Variants in UBE2O observed in about 807,000 individuals in gnomAD.
UBE2O encodes the protein ubiquitin conjugating enzyme E2 O.
Under a neutral mutation model 125.8 loss-of-function variants are expected in UBE2O, and 15 were observed. The ratio of observed to expected loss-of-function variants is 0.12; its 90% CI spans 0.08 to 0.18. The LOEUF (loss-of-function observed/expected upper bound fraction) is 0.18. Among genes scored for constraint, UBE2O ranks in the 10% least tolerant of loss-of-function variants. UBE2O has a pLI of 1.00. For missense variants in UBE2O, 1,280 were observed against 1,723.6 expected (o/e 0.74, Z 4.56); for synonymous variants, 708 against 703.2 (o/e 1.01, Z -0.11).
chr17:76,451,579 G>T (rs1567860212), intron 1 of UBE2O, among the ~76,000 whole-genome samples: 1 of 152,136 alleles, frequency 6.6e-6, no homozygotes, highest in South Asian at 2.1e-4. Flanking sequence ...TTTGTAGTTT[G>T]ACATGAAACC....
intron 1 of UBE2O, among the ~76,000 whole-genome samples, chr17:76,432,045 G>C (rs997130849): frequency 2.6e-5 from 4 of 152,150 alleles, no homozygotes; most frequent in Non-Finnish European, 5.9e-5. Flanking sequence ...ATTCTTAAAA[G>C]GCTAAACTAA....
intron 1 of UBE2O, among the ~76,000 whole-genome samples, chr17:76,411,020 C>CT (rs561191313): frequency 2.2e-5 from 1 of 45,524 alleles, no homozygotes; most frequent in African/African-American, 8.7e-5. Context: ...AAAGAAGCTA[C>CT]TTTTTTTTGG....
At position 76,405,115 on chromosome 17, in the gene UBE2O, A is replaced by T; in HGVS notation, c.588+91T>A. 1.0e-6 allele frequency: 1 copy of T among 966,788 alleles called. No individual in the cohort carries two copies. Among genetic ancestry groups the T allele is most frequent in the Non-Finnish European group, 1.5e-6 (1 of 646,384 alleles). The allele number at this position is 966,788 out of a possible 1,614,324, so 59.9% of individuals were successfully genotyped here. ...CTGACCCAGGAAGGCTGTGCTTGGC[A>T]AGAGCACGGAGGAGGCTGTAGCCCA... is the stretch of plus-strand genomic sequence containing the variant. On this transcript the variant is annotated intron_variant, in intron 3 of 17. Coordinates refer to ENST00000319380, the MANE Select transcript of UBE2O (RefSeq NM_022066.4). This position sits in a 1 kb window ranked among gnomAD's most constrained non-coding sequence, Gnocchi z 6.1.
In UBE2O at chr17:76,396,239, C is replaced by T. The variant is rs758606691; in HGVS notation, c.2698G>A (p.Ala900Thr). ...ACCGGGGTTTCGCTGGGCCACTCAGCCTTCACAGGTGACTGCCCCTCGGGC... is the reference window on the plus strand; with the variant it reads ...ACCGGGGTTTCGCTGGGCCACTCAGTCTTCACAGGTGACTGCCCCTCGGGC... ...DKPEGQSPVKAEWPSETPVLC... is the reference protein window; with the variant it reads ...DKPEGQSPVKTEWPSETPVLC... Residue 900 changes from alanine to threonine, a missense_variant, in exon 14 of 18, where the codon GCT (alanine) becomes ACT (threonine). Around this residue, in one of 10 missense-constraint regions of UBE2O, gnomAD observed 116 missense variants for 154.8 expected, o/e 0.75. Transcript: ENST00000319380. The surrounding 1 kb of genome is among the most constrained non-coding windows in gnomAD (Gnocchi z 6.7). The T allele has an allele frequency of 1.2e-6, 2 of 1,614,224 alleles. No individual in the cohort carries two copies. The highest frequency in any genetic ancestry group is 1.1e-5 in the South Asian group (1 of 91,090).
chr17:76,392,988 T>C (rs544218045), intron 15 of UBE2O, among the ~76,000 whole-genome samples: 70 of 150,636 alleles, frequency 4.6e-4, no homozygotes, highest in African/African-American at 1.7e-3. Flanking sequence ...CCAGACGTGA[T>C]GGCTCACACC....
chr17:76,449,468 G>A (rs559461645), intron 1 of UBE2O, among the ~76,000 whole-genome samples: 2 of 152,320 alleles, frequency 1.3e-5, no homozygotes, highest in South Asian at 2.1e-4. Context: ...CCAGCTATGC[G>A]GGAGGCTGAG....
At chr17:76,442,459 T>A (rs579983) in intron 1 of UBE2O, among the ~76,000 whole-genome samples, 7,743 of 152,210 alleles carry the variant, frequency 0.051, 375 homozygotes, top group African/African-American at 0.13. Flanking sequence ...GAATACTATT[T>A]GTAGTAAGTG....
chr17:76,444,292 T>C (rs1598624005), intron 1 of UBE2O, among the ~76,000 whole-genome samples: 1 of 152,064 alleles, frequency 6.6e-6, no homozygotes, highest in South Asian at 2.1e-4. Context: ...CTCACGTCTG[T>C]AATCCCAACA....
chr17:76,435,749 C>T (rs972366848), intron 1 of UBE2O, among the ~76,000 whole-genome samples: 3 of 152,334 alleles, frequency 2.0e-5, no homozygotes, highest in Admixed American at 6.5e-5. Flanking sequence ...GCTCACCTAA[C>T]GCCTCTCAGT....
rs534761342 is a variant in UBE2O at position 76,438,957 on chromosome 17, G to A, written c.417+13768C>T. Among the ~76,000 whole-genome samples the A allele has an allele frequency of 5.3e-5, 8 of 152,228 alleles. No homozygotes were observed. The South Asian group carries it at 1.7e-3, about 32-fold the overall frequency. ...TCCTAACTGGCCTCCAGGCTTCCTAGCTCCCCACATTCCACCTTGTAAACT... is the reference window on the plus strand; with the variant it reads ...TCCTAACTGGCCTCCAGGCTTCCTAACTCCCCACATTCCACCTTGTAAACT... On this transcript the variant is annotated intron_variant, in intron 1 of 17. Transcript: ENST00000319380.
At chr17:76,401,916 T>A in intron 5 of UBE2O, 148 bp downstream of exon 5, 9 of 439,754 alleles carry the variant, frequency 2.0e-5, no homozygotes, top group East Asian at 4.4e-5. Flanking sequence ...TTTCTGCCTA[T>A]ACCCAAACTT....
At position 76,396,262 on chromosome 17, in the gene UBE2O, G is replaced by C. The variant is rs149740559; in HGVS notation, c.2675C>G (p.Pro892Arg). Residue 892 changes from proline (P) to arginine (R), a missense_variant, in exon 14 of 18, where the codon CCC becomes CGC. By Grantham distance (103) the Pro-to-Arg change is moderately radical. Coordinates refer to ENST00000319380, the MANE Select transcript of UBE2O (RefSeq NM_022066.4). This position sits in a 1 kb window ranked among gnomAD's most constrained non-coding sequence, Gnocchi z 6.7. ...AGCCTTCACAGGTGACTGCCCCTCGGGCTTGTCCTCCTTGCGCTCTACGTC... is the reference window on the plus strand; with the variant it reads ...AGCCTTCACAGGTGACTGCCCCTCGCGCTTGTCCTCCTTGCGCTCTACGTC... ...VPDVERKEDK[P>R]EGQSPVKAEW... is the part of the protein sequence containing the mutation. 1 of 1,614,048 alleles carries C rather than the reference G, an allele frequency of 6.2e-7. No homozygotes were observed. Among genetic ancestry groups the C allele is most frequent in the African/African-American group, 1.3e-5 (1 of 74,932 alleles).
chr17:76,440,399 C>T (rs1427080938), intron 1 of UBE2O, among the ~76,000 whole-genome samples: 1 of 152,192 alleles, frequency 6.6e-6, no homozygotes, highest in African/African-American at 2.4e-5. Flanking sequence ...ACGATCACGG[C>T]CCATTGCCAC....
At position 76,395,519 on chromosome 17, in the gene UBE2O, G is replaced by A; in HGVS notation, c.2946+206C>T. 2 of 533,168 alleles carry A rather than the reference G, an allele frequency of 3.8e-6. No individual in the cohort carries two copies. The highest frequency in any genetic ancestry group is 6.3e-5 in the South Asian group (2 of 31,780). 33.0% of individuals were successfully genotyped at this position (533,168 alleles called of 1,614,324 possible). On this transcript the variant is annotated intron_variant, in intron 15 of 17. Coordinates refer to ENST00000319380, the MANE Select transcript of UBE2O (RefSeq NM_022066.4). The surrounding 1 kb of genome is among the most constrained non-coding windows in gnomAD (Gnocchi z 5.0). ...GAAAGTAATTTTTTAAAGGAGGGAG[G>A]AAAGAAAGAACCATCTGGCCTGGAC...
chr17:76,434,796 A>T (rs1230664030), intron 1 of UBE2O, among the ~76,000 whole-genome samples: 39 of 148,480 alleles, frequency 2.6e-4, no homozygotes, highest in African/African-American at 9.7e-4. Context: ...TTTTTTTTTA[A>T]AAAAACAAAC....
In UBE2O at chr17:76,396,755, C is replaced by T. The variant is rs923490349; in HGVS notation, c.2182G>A (p.Gly728Arg). Residue 728 changes from glycine to arginine, a missense_variant, in exon 14 of 18, where the codon GGG becomes AGG. Gly to Arg is a moderately radical substitution (Grantham distance 125). Coordinates refer to ENST00000319380, the MANE Select transcript of UBE2O (RefSeq NM_022066.4). The surrounding 1 kb of genome is among the most constrained non-coding windows in gnomAD (Gnocchi z 6.7). The part of the protein sequence containing the change: ...DYDSVEGSTS[G>R]ASSDEWEDDS... ...TCTTCCCATTCATCCGAGGATGCCC[C>T]GCTGGTGCTGCCTTCTACCGAATCG... 12 of 1,613,672 alleles carry T rather than the reference C, an allele frequency of 7.4e-6. No individual in the cohort carries two copies. The highest frequency in any genetic ancestry group is 1.7e-4 in the Middle Eastern group (1 of 6,058).
intron 1 of UBE2O, among the ~76,000 whole-genome samples, chr17:76,423,043 A>G (rs895409389): frequency 2.0e-5 from 3 of 152,188 alleles, no homozygotes; most frequent in South Asian, 2.1e-4. Context: ...AGCAGTCCCA[A>G]TGGGTGGCGT....
chr17:76,441,780 C>T (rs1031630965), intron 1 of UBE2O, among the ~76,000 whole-genome samples: 5 of 152,180 alleles, frequency 3.3e-5, no homozygotes, highest in African/African-American at 1.2e-4. Context: ...TTCACTTCCC[C>T]CTCCCCCTCC....
chr17:76,416,257 T>G (rs1468031322), intron 1 of UBE2O, among the ~76,000 whole-genome samples: 1 of 152,014 alleles, frequency 6.6e-6, no homozygotes, highest in Non-Finnish European at 1.5e-5. Flanking sequence ...TATGTATGTA[T>G]ATGTATATAT....
Sources: gnomAD v4.1 joint callset for allele counts (sites outside exome capture counted in the v4.1 genomes callset) on GRCh38, gnomAD v4.1.1 for gene constraint, gnomAD v4.1.1 regional missense constraint, Gnocchi (gnomAD v3.1) non-coding constraint, MANE v1.5 for transcripts, NCBI Gene and HGNC (gene_info 2026-07-23, HGNC 2026-07-21) for gene names.